MYRIP: variants seen among roughly 807,000 people sequenced by gnomAD.
The protein encoded by MYRIP is myosin VIIA and Rab interacting protein.
A neutral mutation model predicts 98.0 loss-of-function variants in MYRIP; 49 were observed. The ratio of observed to expected loss-of-function variants is 0.50; its 90% CI spans 0.40 to 0.63. MYRIP has a LOEUF of 0.63. Ranked by LOEUF, MYRIP falls within the 30% of genes least tolerant of loss-of-function variation. MYRIP has a pLI of 0.00. For synonymous variants in MYRIP, 404 were observed against 409.5 expected (o/e 0.99, Z 0.16); for missense variants, 1,004 against 1,058.2 (o/e 0.95, Z 0.71).
rs9813694 is a variant in MYRIP, at chr3:40,135,372, A to G, written c.333-15676A>G. Among the ~76,000 whole-genome samples, 1,163 of 152,356 alleles carry G rather than the reference A, an allele frequency of 7.6e-3. 15 individuals carry two copies. Among genetic ancestry groups the G allele is most frequent in the African/African-American group, 0.027 (1,116 of 41,582 alleles). ...GAAACGAAAAAAGCCTCCAAGAAAT[A>G]TGGGACTATGTGAAAAGACCAAATC... On this transcript the variant is annotated intron_variant, in intron 3 of 16. Coordinates refer to ENST00000302541, the MANE Select transcript of MYRIP (RefSeq NM_015460.4).
At chr3:40,095,854 C>A (rs1354813470) in intron 3 of MYRIP, among the ~76,000 whole-genome samples, 5 of 151,674 alleles carry the variant, frequency 3.3e-5, no homozygotes, top group Non-Finnish European at 7.4e-5. Flanking sequence ...TCCCTCTGCC[C>A]TCTCCCACTT....
intron 1 of MYRIP, among the ~76,000 whole-genome samples, chr3:39,839,723 C>T (rs1008892460): frequency 1.3e-5 from 2 of 152,100 alleles, no homozygotes; most frequent in Non-Finnish European, 1.5e-5. Context: ...TTTATTTACC[C>T]AGTAGTCATT....
intron 9 of MYRIP, among the ~76,000 whole-genome samples, chr3:40,184,882 C>CT (rs1334993453): frequency 6.6e-6 from 1 of 152,172 alleles, no homozygotes. Context: ...GCTCAAAACT[C>CT]TATGCATCTC....
Position 40,190,482 on chromosome 3 carries a change from T to G in MYRIP, c.1665+19T>G. On this transcript the variant is annotated intron_variant, in intron 10 of 16. Coordinates refer to ENST00000302541, the MANE Select transcript of MYRIP (RefSeq NM_015460.4). Reference sequence around the variant, plus strand: ...ACATCAGGTAATGGAAGTGCATGCGTGCAAATGCACACACACTCTTTAGGT... The same window carrying G: ...ACATCAGGTAATGGAAGTGCATGCGGGCAAATGCACACACACTCTTTAGGT... The G allele has an allele frequency of 7.1e-6, 11 of 1,558,918 alleles. No individual in the cohort carries two copies. The highest frequency in any genetic ancestry group is 9.5e-6 in the Non-Finnish European group (11 of 1,152,390).
At chr3:40,022,543 A>C (rs1427212783) in intron 2 of MYRIP, among the ~76,000 whole-genome samples, 1 of 152,152 alleles carries the variant, frequency 6.6e-6, no homozygotes, top group Non-Finnish European at 1.5e-5. Flanking sequence ...CTGAGTATTC[A>C]TGGAGGCATT....
rs1264097857 is a variant in MYRIP at position 39,873,108 on chromosome 3, A to G, written c.-30-27679A>G. 2.6e-5 allele frequency among the ~76,000 whole-genome samples: 4 copies of G among 151,988 alleles called. 1 individual carries two copies. The highest frequency in any genetic ancestry group is 6.6e-5 in the Admixed American group (1 of 15,258). On this transcript the variant is annotated intron_variant, in intron 1 of 16. Transcript: ENST00000302541. ...GGCCAGTGATGGTGAGCATTTTTTC[A>G]TATGTTTTTTGGCTGCATAAATATC...
chr3:39,991,559 C>G (rs947713118), intron 2 of MYRIP, among the ~76,000 whole-genome samples: 1 of 151,668 alleles, frequency 6.6e-6, no homozygotes, highest in Non-Finnish European at 1.5e-5. Context: ...GCTCATTTTG[C>G]TGTAGCCACC....
chr3:40,148,842 G>A (rs1009648929), intron 3 of MYRIP, among the ~76,000 whole-genome samples: 2 of 152,178 alleles, frequency 1.3e-5, no homozygotes, highest in Admixed American at 6.5e-5. Context: ...GTGAATAAAG[G>A]TAACCAACAT....
intron 3 of MYRIP, among the ~76,000 whole-genome samples, chr3:40,067,416 T>G (rs1214869691): frequency 1.3e-5 from 2 of 152,130 alleles, no homozygotes; most frequent in East Asian, 1.9e-4. Context: ...AGTATTTTGA[T>G]TATCACAATG....
rs1014644891 is a variant in MYRIP at position 40,044,032 on chromosome 3, C to T, written c.111-18C>T. The T allele has an allele frequency of 6.2e-7, 1 of 1,611,510 alleles. No individual in the cohort carries two copies. The highest frequency in any genetic ancestry group is 1.7e-5 in the Admixed American group (1 of 59,900). ...GTGTTTCTCTCCTCCTCCCATTTCC[C>T]CTACCTTGGTTTCCCAGTGAGCTGA... On this transcript the variant is annotated intron_variant, in intron 2 of 16. Coordinates refer to ENST00000302541, the MANE Select transcript of MYRIP (RefSeq NM_015460.4).
intron 3 of MYRIP, among the ~76,000 whole-genome samples, chr3:40,136,474 G>A (rs563717040): frequency 1.3e-5 from 2 of 152,256 alleles, no homozygotes; most frequent in South Asian, 2.1e-4. Flanking sequence ...AGACACATCA[G>A]TGAGACAGAA....
chr3:40,202,900 CATTTACTT>C (rs1298951369), intron 10 of MYRIP, among the ~76,000 whole-genome samples: 30 of 115,780 alleles, frequency 2.6e-4, no homozygotes, highest in Non-Finnish European at 4.1e-4. Flanking sequence ...ACCTCACCTC[CATTTACTT>C]ATTTATTTAT....
At chr3:39,967,114 T>A (rs1305116633) in intron 2 of MYRIP, among the ~76,000 whole-genome samples, 1 of 152,214 alleles carries the variant, frequency 6.6e-6, no homozygotes, top group East Asian at 1.9e-4. Context: ...TACTCTTTTT[T>A]TAAACTTTTA....
chr3:40,076,840 A>C (rs1214504837), intron 3 of MYRIP, among the ~76,000 whole-genome samples: 1 of 152,168 alleles, frequency 6.6e-6, no homozygotes, highest in Non-Finnish European at 1.5e-5. Flanking sequence ...CCACGCAAAA[A>C]ATTACAACAC....
chr3:40,154,362 G>A (rs1408216729), intron 4 of MYRIP, among the ~76,000 whole-genome samples: 1 of 152,090 alleles, frequency 6.6e-6, no homozygotes, highest in Non-Finnish European at 1.5e-5. Context: ...AATATTTACT[G>A]AACACCTACT....
rs990992138 is a variant in MYRIP at position 39,831,803 on chromosome 3, A to G, written c.-31+21887A>G. On this transcript the variant is annotated intron_variant, in intron 1 of 16. Coordinates refer to ENST00000302541, the MANE Select transcript of MYRIP (RefSeq NM_015460.4). ...AAAATTCAGTTTAGTTGCATTAGCTATGTTTTACACACTCAATAGCCACCT... is the reference window on the plus strand; with the variant it reads ...AAAATTCAGTTTAGTTGCATTAGCTGTGTTTTACACACTCAATAGCCACCT... Among the ~76,000 whole-genome samples the G allele has an allele frequency of 3.9e-5, 6 of 152,214 alleles. No homozygotes were observed. In the South Asian group the frequency reaches 1.0e-3, roughly 26 times the overall value.
intron 2 of MYRIP, among the ~76,000 whole-genome samples, chr3:39,906,002 G>A (rs573620697): frequency 1.3e-5 from 2 of 152,168 alleles, no homozygotes; most frequent in Non-Finnish European, 2.9e-5. Context: ...CCTGGGGAGC[G>A]TGCAGAGGTG....
intron 1 of MYRIP, among the ~76,000 whole-genome samples, chr3:39,886,116 T>C (rs1419116289): frequency 2.0e-5 from 3 of 151,752 alleles, no homozygotes; most frequent in African/African-American, 4.8e-5. Context: ...AGAAATAAAA[T>C]ACTTTACAGA....
chr3:40,042,288 T>TAAAAAAAA (rs66600615), intron 2 of MYRIP, among the ~76,000 whole-genome samples: 38 of 112,568 alleles, frequency 3.4e-4, no homozygotes, highest in African/African-American at 1.2e-3. Flanking sequence ...ACTGGAAGGA[T>TAAAAAAAA]AAAAAAAAAA....
Sources: allele counts gnomAD v4.1 joint callset (sites outside exome capture counted in the v4.1 genomes callset), GRCh38; gene constraint gnomAD v4.1.1; transcripts MANE v1.5; gene names NCBI Gene and HGNC (gene_info 2026-07-23, HGNC 2026-07-21).